ENOX1: variants seen among roughly 807,000 people sequenced by gnomAD.
The protein encoded by ENOX1 is candidate growth-related and time keeping constitutive hydroquinone (NADH) oxidase.
Under a neutral mutation model 82.5 loss-of-function variants are expected in ENOX1, and 42 were observed. That is an observed-to-expected ratio of 0.51 (90% CI 0.40 to 0.66). ENOX1 has a LOEUF of 0.66. Among genes scored for constraint, ENOX1 ranks in the 30% least tolerant of loss-of-function variants. ENOX1 has a pLI of 0.00. For missense variants in ENOX1, 608 were observed against 811.6 expected, an observed-to-expected ratio of 0.75 and a Z score of 3.05; for synonymous variants, 271 against 282.2, an observed-to-expected ratio of 0.96 and a Z score of 0.40.
intron 2 of ENOX1, among the ~76,000 whole-genome samples, chr13:43,514,851 A>T (rs2077499853): frequency 4.5e-5 from 1 of 22,292 alleles, no homozygotes; most frequent in Non-Finnish European, 1.1e-4. Context: ...GGTGGTTTCT[A>T]TGGAGAAAAG....
intron 2 of ENOX1, among the ~76,000 whole-genome samples, chr13:43,534,655 G>A (rs1356362430): frequency 6.6e-6 from 1 of 152,166 alleles, no homozygotes; most frequent in Non-Finnish European, 1.5e-5. Context: ...TGCTCCTAAA[G>A]CGCAGATGCC....
chr13:43,366,968 A>T (rs2050889473), intron 5 of ENOX1, among the ~76,000 whole-genome samples: 1 of 152,082 alleles, frequency 6.6e-6, no homozygotes, highest in Non-Finnish European at 1.5e-5. Context: ...ATATTTACAT[A>T]ACCTTATATA....
At position 43,361,270 on chromosome 13, in the gene ENOX1, GTTAC is replaced by G; in HGVS notation, c.382+5_382+8del. On this transcript the variant is annotated splice_donor_5th_base_variant and intron_variant, in intron 6 of 16. Transcript: ENST00000690772. ...AAATGAGCAAATATTTCTCATAGGC[GTTAC>G]TTACTTGGATTTTGAGGAAAAAGAG... 1 of 1,609,960 alleles carries G rather than the reference GTTAC, an allele frequency of 6.2e-7. No homozygotes were observed. The highest frequency in any genetic ancestry group is 8.5e-7 in the Non-Finnish European group (1 of 1,178,602).
At chr13:43,544,924 G>C (rs1416200419) in intron 2 of ENOX1, 3 of 152,184 alleles carry the variant, frequency 2.0e-5, no homozygotes, top group African/African-American at 7.2e-5. Context: ...CAGTGGTTTT[G>C]CTCTGAAACC....
At chr13:43,270,986 G>A (rs368373136) in intron 12 of ENOX1, among the ~76,000 whole-genome samples, 9 of 152,212 alleles carry the variant, frequency 5.9e-5, no homozygotes, top group East Asian at 1.9e-4. Context: ...TGTCCAGACC[G>A]TGGGGAATGG....
At chr13:43,602,519 A>G (rs1041610456) in intron 2 of ENOX1, among the ~76,000 whole-genome samples, 3 of 152,128 alleles carry the variant, frequency 2.0e-5, no homozygotes, top group African/African-American at 7.2e-5. Context: ...ACTGGCCAAC[A>G]TTTTTATTTT....
At chr13:43,449,907 G>T (rs2056864965) in intron 3 of ENOX1, among the ~76,000 whole-genome samples, 1 of 152,086 alleles carries the variant, frequency 6.6e-6, no homozygotes, top group African/African-American at 2.4e-5. Flanking sequence ...ATATTAAGAG[G>T]CCATAGTGAA....
At chr13:43,281,879 T>C (rs928046530) in intron 12 of ENOX1, among the ~76,000 whole-genome samples, 2 of 152,124 alleles carry the variant, frequency 1.3e-5, no homozygotes, top group South Asian at 2.1e-4. Context: ...CCAGGGACAA[T>C]TTGAAAATGT....
chr13:43,708,064 AG>A lies in ENOX1; in HGVS notation c.-284-40521del, dbSNP rs558911389. The stretch of plus-strand genomic sequence containing the variant: ...GGAAAGGCAGTTTCCCAGTAGATAG[AG>A]AACACCTGAAGCTGATGATCAGCGG... On this transcript the variant is annotated intron_variant, in intron 1 of 16. Transcript: ENST00000690772. Among the ~76,000 whole-genome samples, 961 of 152,308 alleles carry A rather than the reference AG, an allele frequency of 6.3e-3. 12 individuals carry two copies. The highest frequency in any genetic ancestry group is 0.022 in the African/African-American group (910 of 41,552).
chr13:43,516,705 A>G (rs889809565), intron 2 of ENOX1, among the ~76,000 whole-genome samples: 12 of 152,162 alleles, frequency 7.9e-5, no homozygotes, highest in African/African-American at 2.9e-4. Context: ...TTGTTCTCTC[A>G]GTGGTGTAGT....
intron 2 of ENOX1, among the ~76,000 whole-genome samples, chr13:43,609,087 C>G (rs1249519407): frequency 6.6e-6 from 1 of 152,174 alleles, no homozygotes; most frequent in Non-Finnish European, 1.5e-5. Flanking sequence ...AGTGCTAGAG[C>G]CCCTTTCCTT....
intron 2 of ENOX1, among the ~76,000 whole-genome samples, chr13:43,572,198 A>G (rs903658): frequency 0.97 from 147,938 of 152,216 alleles, 72,032 homozygotes; most frequent in East Asian, 1. Flanking sequence ...CAGCCCTTCC[A>G]TGCTCACATA....
At position 43,224,039 on chromosome 13, in the gene ENOX1, G is replaced by A. The variant is rs1363258280; in HGVS notation, c.1800+14C>T. ...ATTTGAGCAACGAAAGTTCACTCGA[G>A]CAAAATAATTTACCTTGGAGTCCAG... On this transcript the variant is annotated intron_variant, in intron 16 of 16. Transcript: ENST00000690772. The A allele has an allele frequency of 6.2e-7, 1 of 1,608,098 alleles. No homozygotes were observed. The highest frequency in any genetic ancestry group is 1.3e-5 in the African/African-American group (1 of 74,798).
At chr13:43,413,118 G>T in intron 3 of ENOX1, 130 bp from the exon 4 acceptor site, 1 of 941,684 alleles carries the variant, frequency 1.1e-6, no homozygotes, top group Non-Finnish European at 1.5e-6. Context: ...CAGAAGAAAT[G>T]CTGCTTCCCA....
At chr13:43,343,598 A>G (rs2049193905) in intron 9 of ENOX1, among the ~76,000 whole-genome samples, 1 of 152,078 alleles carries the variant, frequency 6.6e-6, no homozygotes, top group Non-Finnish European at 1.5e-5. Context: ...ATCCTGACAG[A>G]TACATTATTC....
intron 14 of ENOX1, among the ~76,000 whole-genome samples, chr13:43,243,888 C>T (rs192088277): frequency 1.3e-5 from 2 of 152,158 alleles, no homozygotes; most frequent in Admixed American, 6.5e-5. Flanking sequence ...CCACTTCCTA[C>T]TTACATTTTA....
intron 14 of ENOX1, among the ~76,000 whole-genome samples, chr13:43,246,832 C>T (rs1470287877): frequency 6.6e-6 from 1 of 151,838 alleles, no homozygotes; most frequent in Non-Finnish European, 1.5e-5. Flanking sequence ...GGTGGAACCA[C>T]AGAGGTGACA....
chr13:43,230,452 G>GT (rs1238547870), intron 15 of ENOX1, among the ~76,000 whole-genome samples: 1 of 152,052 alleles, frequency 6.6e-6, no homozygotes, highest in Non-Finnish European at 1.5e-5. Context: ...TGTTGCAAAG[G>GT]TACAAGATAG....
At chr13:43,214,298 T>C (rs1248705432) in intron 16 of ENOX1, among the ~76,000 whole-genome samples, 177 bp from the exon 17 acceptor site, 1 of 152,080 alleles carries the variant, frequency 6.6e-6, no homozygotes, top group African/African-American at 2.4e-5. Flanking sequence ...TTATCCCACC[T>C]CCCGAGCAGC....
Sources: allele counts gnomAD v4.1 joint callset (sites outside exome capture counted in the v4.1 genomes callset), GRCh38; gene constraint gnomAD v4.1.1; transcripts MANE v1.5; gene names NCBI Gene and HGNC (gene_info 2026-07-23, HGNC 2026-07-21).